AFAP1: variants seen among roughly 807,000 people sequenced by gnomAD.
AFAP1 encodes the protein actin filament-associated protein 1.
A neutral mutation model predicts 93.9 loss-of-function variants in AFAP1; 75 were observed. The ratio of observed to expected loss-of-function variants is 0.80; its 90% CI spans 0.66 to 0.97. AFAP1 has a LOEUF of 0.97. Ranked by LOEUF, AFAP1 falls within the 50% of genes least tolerant of loss-of-function variation. AFAP1 has a pLI of 0.00. For synonymous variants in AFAP1, 517 were observed against 430.7 expected (o/e 1.20, Z -2.48); for missense variants, 1,201 against 1,050.8 (o/e 1.14, Z -1.98).
chr4:7,873,814 A>T (rs552579274), intron 1 of AFAP1, among the ~76,000 whole-genome samples: 1 of 152,184 alleles, frequency 6.6e-6, no homozygotes, highest in African/African-American at 2.4e-5. Flanking sequence ...TACTGGAGAG[A>T]GTGAATGACA....
intron 2 of AFAP1, among the ~76,000 whole-genome samples, chr4:7,869,587 G>A (rs1003837885): frequency 2.6e-5 from 4 of 152,194 alleles, no homozygotes; most frequent in African/African-American, 9.6e-5. Flanking sequence ...TGATGAACAC[G>A]ATACCAGTGC....
intron 17 of AFAP1, among the ~76,000 whole-genome samples, chr4:7,766,907 A>G (rs1032358055): frequency 2.6e-5 from 4 of 152,166 alleles, no homozygotes; most frequent in East Asian, 1.9e-4. Flanking sequence ...CTCCTCACCG[A>G]GAGTTGGAAG....
chr4:7,840,086 C>A (rs1712804280), intron 5 of AFAP1, among the ~76,000 whole-genome samples: 1 of 152,128 alleles, frequency 6.6e-6, no homozygotes, highest in Non-Finnish European at 1.5e-5. Context: ...AGTCACCTGC[C>A]TGAAGAGTCA....
intron 8 of AFAP1, among the ~76,000 whole-genome samples, chr4:7,815,080 A>T (rs1313773754): frequency 6.6e-6 from 1 of 152,278 alleles, no homozygotes; most frequent in Non-Finnish European, 1.5e-5. Flanking sequence ...AGCCTTAAAA[A>T]GGAAAGAAAT....
intron 11 of AFAP1, among the ~76,000 whole-genome samples, chr4:7,791,846 AAAAAAC>A (rs932384731): frequency 2.7e-5 from 4 of 146,924 alleles, no homozygotes; most frequent in African/African-American, 7.6e-5. Context: ...CTTAATCAAA[AAAAAAC>A]AAAAACAAAA....
intron 14 of AFAP1, 188 bp downstream of exon 14, chr4:7,778,574 A>C (rs1716396784): frequency 1.6e-6 from 1 of 634,290 alleles, no homozygotes; most frequent in Non-Finnish European, 2.8e-6. Flanking sequence ...ATTTACAAGC[A>C]GTCAGAAAAG....
chr4:7,876,181 T>C (rs1717491660), intron 1 of AFAP1, among the ~76,000 whole-genome samples: 2 of 152,348 alleles, frequency 1.3e-5, no homozygotes, highest in African/African-American at 4.8e-5. Flanking sequence ...ACCTAAAACC[T>C]GAGCTCCCTC....
chr4:7,879,940 C>T (rs1040006492), intron 1 of AFAP1, among the ~76,000 whole-genome samples: 6 of 152,076 alleles, frequency 3.9e-5, no homozygotes, highest in East Asian at 3.9e-4. Context: ...GCTGGGATTC[C>T]AGACATGCGC....
rs1490138582 is a variant in AFAP1, at chr4:7,772,907, C to T, written c.2166G>A (p.Glu722=). 1.2e-6 allele frequency: 2 copies of T among 1,614,190 alleles called. No individual in the cohort carries two copies. The highest frequency in any genetic ancestry group is 2.2e-5 in the East Asian group (1 of 44,886). The change falls in exon 16 of 18, where the codon GAG becomes GAA. Residue 722 remains glutamate, a synonymous_variant. Coordinates refer to ENST00000420658, the MANE Select transcript of AFAP1 (RefSeq NM_001134647.2). The part of the protein sequence containing the change: ...ERVSLELELT[E]VKESLKKALA... Reference sequence around the variant, plus strand: ...GCGCTTTCTTCAGGCTCTCCTTGACCTCCGTCAGCTCCAGCTCCAGGCTGA... The same window carrying T: ...GCGCTTTCTTCAGGCTCTCCTTGACTTCCGTCAGCTCCAGCTCCAGGCTGA...
intron 8 of AFAP1, among the ~76,000 whole-genome samples, chr4:7,814,858 C>T (rs1242907934): frequency 2.6e-5 from 4 of 152,068 alleles, no homozygotes; most frequent in Admixed American, 2.6e-4. Flanking sequence ...TTTGTCAAAA[C>T]TCACCAACAG....
At chr4:7,796,065 G>T (rs1033954921) in intron 10 of AFAP1, among the ~76,000 whole-genome samples, 1 of 152,106 alleles carries the variant, frequency 6.6e-6, no homozygotes, top group African/African-American at 2.4e-5. Context: ...GTGTGAATGT[G>T]TGTGTATGTA....
intron 1 of AFAP1, among the ~76,000 whole-genome samples, chr4:7,879,504 T>G (rs917392045): frequency 3.2e-4 from 48 of 152,016 alleles, no homozygotes; most frequent in African/African-American, 1.1e-3. Flanking sequence ...AATAAATCAC[T>G]GAATTCCAGA....
At chr4:7,880,359 A>C (rs1395354663) in intron 1 of AFAP1, among the ~76,000 whole-genome samples, 1 of 143,124 alleles carries the variant, frequency 7.0e-6, no homozygotes, top group East Asian at 2.1e-4. Context: ...GGCTCACTGC[A>C]ATCTCTGCCT....
intron 1 of AFAP1, among the ~76,000 whole-genome samples, chr4:7,932,847 C>T (rs746519710): frequency 2.0e-5 from 3 of 152,136 alleles, no homozygotes; most frequent in Admixed American, 6.5e-5. Context: ...CAGTGAAACC[C>T]TGTCTCTACA....
chr4:7,774,745 T>G lies in AFAP1; in HGVS notation c.2056A>C (p.Asn686His), dbSNP rs756725302. 1 of 1,614,124 alleles carries G rather than the reference T, an allele frequency of 6.2e-7. No individual in the cohort carries two copies. The highest frequency in any genetic ancestry group is 8.5e-7 in the Non-Finnish European group (1 of 1,180,004). Residue 686 changes from asparagine to histidine, a missense_variant, in exon 15 of 18, where the codon AAC becomes CAC. By Grantham distance (68) the Asn-to-His change is moderately conservative. Coordinates refer to ENST00000420658, the MANE Select transcript of AFAP1 (RefSeq NM_001134647.2). ...TCACCCACACCCTTCATACCGGCGT[T>G]CACTTCAATAGCCGCTCGAAGGTCT... Reference protein sequence around the residue: ...RKDLRAAIEVNAGRKPQAILE... With the variant: ...RKDLRAAIEVHAGRKPQAILE...
chr4:7,854,759 TAC>T (rs1714860016), intron 4 of AFAP1, among the ~76,000 whole-genome samples: 2 of 152,154 alleles, frequency 1.3e-5, no homozygotes, highest in Admixed American at 6.5e-5. Flanking sequence ...TTAGTTGACA[TAC>T]ATTCAGGTAT....
chr4:7,936,427 T>C (rs915615758), intron 1 of AFAP1, among the ~76,000 whole-genome samples: 2 of 151,562 alleles, frequency 1.3e-5, no homozygotes, highest in South Asian at 2.1e-4. Context: ...TGGGCTCAAG[T>C]GATCCTCCTA....
intron 10 of AFAP1, among the ~76,000 whole-genome samples, chr4:7,797,822 C>T (rs1718580702): frequency 6.6e-6 from 1 of 152,028 alleles, no homozygotes; most frequent in Non-Finnish European, 1.5e-5. Flanking sequence ...GGGATAAAAG[C>T]ACAACATACC....
chr4:7,929,929 T>C (rs1720970185), intron 1 of AFAP1, among the ~76,000 whole-genome samples: 1 of 152,206 alleles, frequency 6.6e-6, no homozygotes, highest in Non-Finnish European at 1.5e-5. Flanking sequence ...TGTCAGGACC[T>C]AGACACACCA....
Sources: allele counts gnomAD v4.1 joint callset (sites outside exome capture counted in the v4.1 genomes callset), GRCh38; gene constraint gnomAD v4.1.1; transcripts MANE v1.5; gene names NCBI Gene and HGNC (gene_info 2026-07-23, HGNC 2026-07-21).